CERS6: variants seen among roughly 807,000 people sequenced by gnomAD.
CERS6 encodes ceramide synthase 6.
CERS6 carries 26 observed loss-of-function variants against 56.8 expected under a neutral mutation model. That is an observed-to-expected ratio of 0.46 (90% CI 0.34 to 0.63). The LOEUF is 0.63. CERS6 is among the 30% of genes least tolerant of loss of function. The pLI is 0.01. For missense variants in CERS6, 415 were observed against 467.5 expected (o/e 0.89, Z 1.04); for synonymous variants, 164 against 173.3 (o/e 0.95, Z 0.42).
At chr2:168,744,950 A>C (rs770753460) in intron 8 of CERS6, among the ~76,000 whole-genome samples, 6 of 152,316 alleles carry the variant, frequency 3.9e-5, no homozygotes, top group South Asian at 2.1e-4. Flanking sequence ...CAGAATAATT[A>C]AATTTTAATC....
chr2:168,770,052 A>C lies in CERS6; in HGVS notation c.*390A>C. 4.6e-6 allele frequency: 1 copy of C among 219,050 alleles called. No homozygotes were observed. The highest frequency in any genetic ancestry group is 8.9e-6 in the Non-Finnish European group (1 of 111,838). The allele number at this position is 219,050 out of a possible 1,614,324, so 13.6% of individuals were successfully genotyped here. A position where few individuals can be genotyped will look rare whatever the true frequency, so the allele number is the denominator to read the frequency against. ...TCTTGCTGTAGTCCAATGTGCTATG[A>C]GCATCAGCTTACTTTGTCACTTAGA... On this transcript the variant is annotated 3_prime_UTR_variant, in exon 10 of 10. Coordinates refer to ENST00000305747, the MANE Select transcript of CERS6 (RefSeq NM_203463.3).
chr2:168,773,444 T>G lies in CERS6; in HGVS notation c.*3782T>G, dbSNP rs1684917659. The G allele has an allele frequency of 6.6e-6, 1 of 152,242 alleles. No homozygotes were observed. The highest frequency in any genetic ancestry group is 6.5e-5 in the Admixed American group (1 of 15,280). The allele number at this position is 152,242 out of a possible 1,614,324, so 9.4% of individuals were successfully genotyped here. A position where few individuals can be genotyped will look rare whatever the true frequency, so the allele number is the denominator to read the frequency against. On this transcript the variant is annotated 3_prime_UTR_variant, in exon 10 of 10. Coordinates refer to ENST00000305747, the MANE Select transcript of CERS6 (RefSeq NM_203463.3). ...TTTTTTCCTTTGTCTTTGGCTGATT[T>G]CTGCTTTGTAGATAAATAATAATAG...
intron 1 of CERS6, among the ~76,000 whole-genome samples, chr2:168,470,563 A>G (rs1453925791): frequency 1.3e-5 from 2 of 152,106 alleles, no homozygotes; most frequent in Non-Finnish European, 2.9e-5. Context: ...CTGGTGTGCT[A>G]ATTCATCCTT....
chr2:168,732,963 C>T (rs553547765), intron 8 of CERS6, among the ~76,000 whole-genome samples: 3 of 151,532 alleles, frequency 2.0e-5, no homozygotes, highest in East Asian at 3.9e-4. Flanking sequence ...GCTATATTTA[C>T]GTATGTAAAA....
At chr2:168,685,398 A>G (rs957567848) in intron 4 of CERS6, among the ~76,000 whole-genome samples, 2 of 152,206 alleles carry the variant, frequency 1.3e-5, no homozygotes, top group African/African-American at 4.8e-5. Context: ...CTATTTAACC[A>G]TTGACCACTT....
At chr2:168,653,566 T>C (rs985081386) in intron 4 of CERS6, among the ~76,000 whole-genome samples, 4 of 152,246 alleles carry the variant, frequency 2.6e-5, no homozygotes, top group African/African-American at 9.6e-5. Flanking sequence ...ATCTTAGATA[T>C]GTGTGAGTTA....
At chr2:168,608,045 A>G (rs1684096140) in intron 3 of CERS6, among the ~76,000 whole-genome samples, 1 of 151,956 alleles carries the variant, frequency 6.6e-6, no homozygotes, top group African/African-American at 2.4e-5. Context: ...ATATGCTTTC[A>G]CTCCCTTGTA....
chr2:168,549,683 T>G (rs564120865), intron 2 of CERS6, among the ~76,000 whole-genome samples: 1 of 152,298 alleles, frequency 6.6e-6, no homozygotes, highest in South Asian at 2.1e-4. Context: ...CTAATTTGAA[T>G]GATCATATTC....
chr2:168,671,901 A>C (rs565584662), intron 4 of CERS6, among the ~76,000 whole-genome samples: 1 of 152,332 alleles, frequency 6.6e-6, no homozygotes, highest in African/African-American at 2.4e-5. Context: ...AAACCCCTTC[A>C]ATTAGAGTAT....
chr2:168,471,014 A>T (rs909718104), intron 1 of CERS6, among the ~76,000 whole-genome samples: 1 of 151,696 alleles, frequency 6.6e-6, no homozygotes, highest in Admixed American at 6.6e-5. Flanking sequence ...CAGGCTTACC[A>T]GTGTCAATAC....
intron 6 of CERS6, among the ~76,000 whole-genome samples, chr2:168,714,617 G>A (rs1458012298): frequency 6.6e-6 from 1 of 152,184 alleles, no homozygotes; most frequent in African/African-American, 2.4e-5. Context: ...AGCACTCTTT[G>A]TGATATGGTC....
At chr2:168,701,968 G>C (rs1303420071) in intron 6 of CERS6, among the ~76,000 whole-genome samples, 1 of 152,100 alleles carries the variant, frequency 6.6e-6, no homozygotes, top group East Asian at 1.9e-4. Context: ...TAAATGCAAT[G>C]TTAATAGTTA....
intron 8 of CERS6, among the ~76,000 whole-genome samples, chr2:168,727,882 T>G (rs1300002526): frequency 6.6e-6 from 1 of 152,208 alleles, no homozygotes; most frequent in Non-Finnish European, 1.5e-5. Flanking sequence ...CATAAGGTAT[T>G]TTGGTGTGTT....
chr2:168,645,498 T>C (rs913626105), intron 4 of CERS6, among the ~76,000 whole-genome samples: 3 of 152,056 alleles, frequency 2.0e-5, no homozygotes, highest in Non-Finnish European at 2.9e-5. Flanking sequence ...AAAAAAGTTA[T>C]GCTTAGTATA....
chr2:168,539,848 GTT>G (rs1423747487), intron 1 of CERS6, among the ~76,000 whole-genome samples: 1 of 152,122 alleles, frequency 6.6e-6, no homozygotes, highest in Non-Finnish European at 1.5e-5. Flanking sequence ...TTCTGGCACA[GTT>G]TGGTGTGGGA....
At chr2:168,729,913 C>A (rs1683471440) in intron 8 of CERS6, among the ~76,000 whole-genome samples, 1 of 152,176 alleles carries the variant, frequency 6.6e-6, no homozygotes, top group Admixed American at 6.5e-5. Context: ...GTGCATCAGG[C>A]ACAGTGTGGG....
chr2:168,486,056 G>A (rs1298755118), intron 1 of CERS6, among the ~76,000 whole-genome samples: 1 of 152,116 alleles, frequency 6.6e-6, no homozygotes, highest in Non-Finnish European at 1.5e-5. Context: ...CTTATTAGGT[G>A]TGCTGTGGTA....
At chr2:168,622,020 T>A (rs1684483618) in intron 3 of CERS6, among the ~76,000 whole-genome samples, 1 of 152,236 alleles carries the variant, frequency 6.6e-6, no homozygotes, top group South Asian at 2.1e-4. Flanking sequence ...CAGAATCTTT[T>A]AATAATGAAA....
chr2:168,724,885 C>G (rs368177467), intron 8 of CERS6, among the ~76,000 whole-genome samples: 1 of 152,234 alleles, frequency 6.6e-6, no homozygotes, highest in East Asian at 1.9e-4. Context: ...GCCAGTCCAG[C>G]GCCGTGTGCC....
Sources: gnomAD v4.1 joint callset for allele counts (sites outside exome capture counted in the v4.1 genomes callset) on GRCh38, gnomAD v4.1.1 for gene constraint, MANE v1.5 for transcripts, NCBI Gene and HGNC (gene_info 2026-07-23, HGNC 2026-07-21) for gene names.